Variants in TANK observed in about 807,000 individuals in gnomAD.
TANK encodes TRAF family member-associated NF-kappa-B activator.
TANK carries 15 observed loss-of-function variants against 43.6 expected under a neutral mutation model. That is an observed-to-expected ratio of 0.34 (90% CI 0.23 to 0.53). The LOEUF (loss-of-function observed/expected upper bound fraction) is 0.53. Ranked by LOEUF, TANK falls within the 20% of genes least tolerant of loss-of-function variation. The pLI is 0.94. For missense variants in TANK, 417 were observed against 498.6 expected, an observed-to-expected ratio of 0.84 and a Z score of 1.56; for synonymous variants, 162 against 178.2, an observed-to-expected ratio of 0.91 and a Z score of 0.73.
chr2:161,209,796 A>G (rs1199532882), intron 4 of TANK, among the ~76,000 whole-genome samples: 3 of 152,204 alleles, frequency 2.0e-5, no homozygotes, highest in African/African-American at 7.2e-5. Context: ...TATACTTAAC[A>G]CTGCCAACCA....
rs368611584 is a variant in TANK, at chr2:161,204,800, A to G, written c.327+7A>G. 13 of 1,604,988 alleles carry G rather than the reference A, an allele frequency of 8.1e-6. No homozygotes were observed. The highest frequency in any genetic ancestry group is 1.1e-5 in the Non-Finnish European group (13 of 1,177,306). ...AAGAGAAAAACTACCAAAGGTAGAC[A>G]TTGCTTCTGCAGAAAGCAGCATTTA... On this transcript the variant is annotated splice_region_variant and intron_variant, in intron 4 of 7. Transcript: ENST00000392749.
intron 1 of TANK, among the ~76,000 whole-genome samples, chr2:161,168,815 CAG>C (rs1202073330): frequency 5.9e-5 from 9 of 152,040 alleles, no homozygotes. Flanking sequence ...CCTCGAGCAA[CAG>C]AGTGAGAATT....
chr2:161,146,763 G>T (rs1035446048), intron 1 of TANK, among the ~76,000 whole-genome samples: 9 of 152,292 alleles, frequency 5.9e-5, no homozygotes, highest in African/African-American at 2.2e-4. Flanking sequence ...CCTATATAGG[G>T]TGTCTGATGA....
chr2:161,219,647 TA>T, intron 4 of TANK: 2 of 384,948 alleles, frequency 5.2e-6, no homozygotes, highest in East Asian at 7.9e-5. Context: ...TATCTTTTTG[TA>T]ATTTTTTTTT....
At chr2:161,196,804 C>T (rs1185556413) in intron 2 of TANK, among the ~76,000 whole-genome samples, 1 of 152,108 alleles carries the variant, frequency 6.6e-6, no homozygotes. Flanking sequence ...TGCAGTGAGC[C>T]TAGGCAGATT....
chr2:161,172,731 C>T (rs991484360), intron 1 of TANK, among the ~76,000 whole-genome samples: 2 of 152,110 alleles, frequency 1.3e-5, no homozygotes, highest in African/African-American at 2.4e-5. Flanking sequence ...TTCTGAGGTC[C>T]CATTTCAGGC....
At chr2:161,177,680 G>A (rs1029496273) in intron 1 of TANK, among the ~76,000 whole-genome samples, 7 of 152,040 alleles carry the variant, frequency 4.6e-5, no homozygotes, top group South Asian at 4.2e-4. Flanking sequence ...AGGTAAATTG[G>A]ACTGTATTAA....
chr2:161,160,349 G>A, upstream of TANK: 1 of 1,037,170 alleles, frequency 9.6e-7, no homozygotes, highest in Non-Finnish European at 1.2e-6. Flanking sequence ...GCCTTGTTGG[G>A]TGGAGGTGAA....
At chr2:161,198,290 T>A (rs568242554) in intron 2 of TANK, among the ~76,000 whole-genome samples, 1 of 152,354 alleles carries the variant, frequency 6.6e-6, no homozygotes, top group African/African-American at 2.4e-5. Context: ...CCCTGAAGCT[T>A]GGGTGTAGTC....
At chr2:161,197,191 C>A (rs1025385123) in intron 2 of TANK, 1 of 152,054 alleles carries the variant, frequency 6.6e-6, no homozygotes. Flanking sequence ...TGGTGGTAGT[C>A]GTCATTTTGT....
chr2:161,224,750 A>G lies in TANK; in HGVS notation c.520+4A>G, dbSNP rs1460583580. The G allele has an allele frequency of 6.9e-7, 1 of 1,459,522 alleles. No homozygotes were observed. Among genetic ancestry groups the G allele is most frequent in the African/African-American group, 1.4e-5 (1 of 69,944 alleles). The allele number at this position is 1,459,522 out of a possible 1,614,324, so 90.4% of individuals were successfully genotyped here. ...AATATACCAGACACTGCAACTGGTA[A>G]GATTTAATTTAATTTACAGTAATAT... On this transcript the variant is annotated splice_donor_region_variant and intron_variant, in intron 6 of 7. Coordinates refer to ENST00000392749, the MANE Select transcript of TANK (RefSeq NM_001199135.3).
intron 2 of TANK, among the ~76,000 whole-genome samples, chr2:161,187,276 AC>A (rs761980366): frequency 1.1e-4 from 17 of 152,132 alleles, no homozygotes; most frequent in Non-Finnish European, 1.9e-4. Context: ...AAAAACAAAA[AC>A]AAAAAACACC....
intron 1 of TANK, among the ~76,000 whole-genome samples, chr2:161,149,085 C>T (rs1683999769): frequency 6.6e-6 from 1 of 152,126 alleles, no homozygotes; most frequent in South Asian, 2.1e-4. Context: ...TTGTGGAGTA[C>T]TGCCATCTTA....
chr2:161,153,082 CTCTT>C (rs1279429041), intron 1 of TANK, among the ~76,000 whole-genome samples: 2 of 152,090 alleles, frequency 1.3e-5, no homozygotes, highest in South Asian at 2.1e-4. Flanking sequence ...CATTCTCTGA[CTCTT>C]TCTTCTGCTT....
At position 161,212,389 on chromosome 2, in the gene TANK, T is replaced by C. The variant is rs112939053; in HGVS notation, c.327+7596T>C. On this transcript the variant is annotated intron_variant, in intron 4 of 7. Transcript: ENST00000392749. ...ACACAAACTCTTAAGAAAACAAATATTGATATCCAAAACATTTTAATAATT... is the reference window on the plus strand; with the variant it reads ...ACACAAACTCTTAAGAAAACAAATACTGATATCCAAAACATTTTAATAATT... 4,713 of 984,832 alleles carry C rather than the reference T, an allele frequency of 4.8e-3. 12 individuals are homozygous for C. Among genetic ancestry groups the C allele is most frequent in the Non-Finnish European group, 5.4e-3 (4,483 of 829,418 alleles). 61.0% of individuals were successfully genotyped at this position (984,832 alleles called of 1,614,324 possible).
chr2:161,169,338 A>G (rs1167158827), intron 1 of TANK, among the ~76,000 whole-genome samples: 1 of 152,234 alleles, frequency 6.6e-6, no homozygotes, highest in Admixed American at 6.5e-5. Context: ...TCAGGGAAAA[A>G]AGTTTTCAGA....
At chr2:161,196,532 C>T (rs1686157942) in intron 2 of TANK, among the ~76,000 whole-genome samples, 1 of 152,054 alleles carries the variant, frequency 6.6e-6, no homozygotes, top group African/African-American at 2.4e-5. Flanking sequence ...CTACTATCTA[C>T]TGGGAAATCT....
At chr2:161,190,923 T>C (rs1685886686) in intron 2 of TANK, among the ~76,000 whole-genome samples, 1 of 152,148 alleles carries the variant, frequency 6.6e-6, no homozygotes, top group South Asian at 2.1e-4. Context: ...TTGATATATA[T>C]TTTACCATAT....
At chr2:161,158,740 A>G (rs1684289623), upstream of TANK, among the ~76,000 whole-genome samples, 1 of 152,256 alleles carries the variant, frequency 6.6e-6, no homozygotes, top group Non-Finnish European at 1.5e-5. Context: ...GCTTTGCAAT[A>G]GATATTGTCA....
Sources: gnomAD v4.1 joint callset for allele counts (sites outside exome capture counted in the v4.1 genomes callset) on GRCh38, gnomAD v4.1.1 for gene constraint, MANE v1.5 for transcripts, NCBI Gene and HGNC (gene_info 2026-07-23, HGNC 2026-07-21) for gene names.